C3orf70: variants seen among roughly 807,000 people sequenced by gnomAD.
C3orf70 encodes chromosome 3 open reading frame 70.
C3orf70 carries 15 observed loss-of-function variants against 20.7 expected under a neutral mutation model. The ratio of observed to expected loss-of-function variants is 0.72; its 90% CI spans 0.48 to 1.11. The LOEUF is 1.11. Ranked by LOEUF, C3orf70 falls within the 50% of genes most tolerant of loss-of-function variation. The pLI is 0.00. For missense variants in C3orf70, 332 were observed against 317.6 expected (o/e 1.05, Z -0.34); for synonymous variants, 161 against 125.7 (o/e 1.28, Z -1.88).
At chr3:185,091,902 CACACACATACATATATAT>C (rs1392556109) in intron 1 of C3orf70, among the ~76,000 whole-genome samples, 2 of 89,558 alleles carry the variant, frequency 2.2e-5, no homozygotes, top group Non-Finnish European at 2.2e-5. Context: ...CACATACACA[CACACACATACATATATAT>C]ATATATATAT....
Position 185,077,547 on chromosome 3 carries a change from A to G in C3orf70, c.*5460T>C, listed in dbSNP as rs1488442629. Among the ~76,000 whole-genome samples, 7 of 151,816 alleles carry G rather than the reference A, an allele frequency of 4.6e-5. No homozygotes were observed. On this transcript the variant is annotated 3_prime_UTR_variant, in exon 2 of 2. Coordinates refer to ENST00000335012, the MANE Select transcript of C3orf70 (RefSeq NM_001025266.3). ...ATAATGACTTTATTTAGCAGTTCCT[A>G]GGAAGGTTGTTCAATAGACTCCAAC...
rs1413326455 is a variant in C3orf70 at position 185,077,369 on chromosome 3, A to G, written c.*5638T>C. 1.3e-5 allele frequency among the ~76,000 whole-genome samples: 2 copies of G among 152,150 alleles called. No homozygotes were observed. The highest frequency in any genetic ancestry group is 2.4e-5 in the African/African-American group (1 of 41,432). On this transcript the variant is annotated 3_prime_UTR_variant, in exon 2 of 2. Transcript: ENST00000335012. ...GCCACTCATGTACGAGCTGTGCCACACTGGGTAAAGATGTGGACTTCTTGA... is the reference window on the plus strand; with the variant it reads ...GCCACTCATGTACGAGCTGTGCCACGCTGGGTAAAGATGTGGACTTCTTGA...
chr3:185,148,354 A>G (rs1716917331), intron 1 of C3orf70, among the ~76,000 whole-genome samples: 1 of 152,200 alleles, frequency 6.6e-6, no homozygotes, highest in African/African-American at 2.4e-5. Flanking sequence ...GTTACTCAGT[A>G]TTTCGTTGTT....
At chr3:185,115,207 T>C (rs747482029) in intron 1 of C3orf70, among the ~76,000 whole-genome samples, 1 of 152,178 alleles carries the variant, frequency 6.6e-6, no homozygotes, top group African/African-American at 2.4e-5. Flanking sequence ...TGAGAGCCAA[T>C]ACACTAAATA....
intron 1 of C3orf70, among the ~76,000 whole-genome samples, chr3:185,150,301 C>T (rs1716966358): frequency 6.6e-6 from 1 of 152,180 alleles, no homozygotes. Context: ...ACAATTTTAT[C>T]AGTAACTTTT....
At position 185,090,553 on chromosome 3, in the gene C3orf70, A is replaced by C. The variant is rs534567818; in HGVS notation, c.197-6990T>G. On this transcript the variant is annotated intron_variant, in intron 1 of 1. Transcript: ENST00000335012. ...TTAGAAAGGTAAATCTACTGAAAAA[A>C]AATGAGTGGCCTGAGGTAAATTGCA... is the stretch of plus-strand genomic sequence containing the variant. 2.6e-5 allele frequency among the ~76,000 whole-genome samples: 4 copies of C among 152,340 alleles called. No homozygotes were observed. In the East Asian group the frequency reaches 7.7e-4, roughly 29 times the overall value.
intron 1 of C3orf70, among the ~76,000 whole-genome samples, chr3:185,117,920 A>T (rs2108598043): frequency 6.6e-6 from 1 of 152,312 alleles, no homozygotes; most frequent in South Asian, 2.1e-4. Flanking sequence ...CCCATCCTTC[A>T]GTTGTCAGGT....
chr3:185,079,288 A>AAAATAAAATAAAAT lies in C3orf70; in HGVS notation c.*3718_*3719insATTTTATTTTATTT, dbSNP rs1293253636. On this transcript the variant is annotated 3_prime_UTR_variant, in exon 2 of 2. Transcript: ENST00000335012. The stretch of plus-strand genomic sequence containing the variant: ...GGAGCGAGACTCTGTCTCAAAAAAA[A>AAAATAAAATAAAAT]AAAAAAAAAAAAAAAAGTAAAGCCA... 25 of 148,100 alleles carry AAAATAAAATAAAAT rather than the reference A, an allele frequency of 1.7e-4. 1 individual carries two copies. Among genetic ancestry groups the AAAATAAAATAAAAT allele is most frequent in the Admixed American group, 4.0e-4 (6 of 15,082 alleles). The allele number at this position is 148,100 out of a possible 1,614,324, so 9.2% of individuals were successfully genotyped here. A position where few individuals can be genotyped will look rare whatever the true frequency, so the allele number is the denominator to read the frequency against.
At chr3:185,111,232 A>T (rs1716065661) in intron 1 of C3orf70, among the ~76,000 whole-genome samples, 1 of 152,246 alleles carries the variant, frequency 6.6e-6, no homozygotes, top group African/African-American at 2.4e-5. Context: ...TGAAAGAAAA[A>T]GTAAATTTGA....
intron 1 of C3orf70, among the ~76,000 whole-genome samples, chr3:185,100,503 A>G (rs2108592298): frequency 6.6e-6 from 1 of 152,356 alleles, no homozygotes; most frequent in African/African-American, 2.4e-5. Context: ...CAATGAAAAC[A>G]AAGATACAAC....
chr3:185,087,636 T>C (rs1285519481), intron 1 of C3orf70, among the ~76,000 whole-genome samples: 3 of 151,614 alleles, frequency 2.0e-5, no homozygotes, highest in African/African-American at 7.3e-5. Context: ...AAAGCAAGAG[T>C]GGTGTTTGCC....
At position 185,151,947 on chromosome 3, in the gene C3orf70, T is replaced by C. The variant is rs116005667; in HGVS notation, c.196+681A>G. Among the ~76,000 whole-genome samples the C allele has an allele frequency of 2.9e-3, 437 of 152,354 alleles. 1 individual carries two copies. Among genetic ancestry groups the C allele is most frequent in the African/African-American group, 0.01 (426 of 41,586 alleles). ...ACCATTTGGTTCTAGCTTTTATAAA[T>C]TGGTTTAAGACTATTAAGCTTACTT... On this transcript the variant is annotated intron_variant, in intron 1 of 1. Coordinates refer to ENST00000335012, the MANE Select transcript of C3orf70 (RefSeq NM_001025266.3).
At chr3:185,104,060 TAC>T (rs1459399219) in intron 1 of C3orf70, among the ~76,000 whole-genome samples, 1 of 152,202 alleles carries the variant, frequency 6.6e-6, no homozygotes, top group African/African-American at 2.4e-5. Context: ...CTCAAACAGC[TAC>T]AGAGATGACA....
At position 185,078,071 on chromosome 3, in the gene C3orf70, A is replaced by G. The variant is rs1577313537; in HGVS notation, c.*4936T>C. ...TTTGTTCTGGTATAAAAGAAAAAAA[A>G]AATCACGTTTATTTTACAAGGCAGT... On this transcript the variant is annotated 3_prime_UTR_variant, in exon 2 of 2. Coordinates refer to ENST00000335012, the MANE Select transcript of C3orf70 (RefSeq NM_001025266.3). The G allele has an allele frequency of 6.6e-6, 1 of 152,636 alleles. No homozygotes were observed. The highest frequency in any genetic ancestry group is 1.5e-5 in the Non-Finnish European group (1 of 68,042). The allele number at this position is 152,636 out of a possible 1,614,324, so 9.5% of individuals were successfully genotyped here. A position where few individuals can be genotyped will look rare whatever the true frequency, so the allele number is the denominator to read the frequency against.
intron 1 of C3orf70, among the ~76,000 whole-genome samples, chr3:185,083,869 CATT>C (rs764577300): frequency 1.4e-4 from 21 of 152,142 alleles, no homozygotes; most frequent in Non-Finnish European, 2.6e-4. Context: ...GTAATTTACT[CATT>C]ATACTAGAAC....
At chr3:185,107,283 A>G (rs907952484) in intron 1 of C3orf70, among the ~76,000 whole-genome samples, 3 of 152,222 alleles carry the variant, frequency 2.0e-5, no homozygotes, top group Non-Finnish European at 2.9e-5. Context: ...ACAACCTGGG[A>G]CTATTCAACC....
chr3:185,102,966 GC>G (rs1484403237), intron 1 of C3orf70, among the ~76,000 whole-genome samples: 1 of 152,132 alleles, frequency 6.6e-6, no homozygotes, highest in African/African-American at 2.4e-5. Context: ...AGACGGCCAG[GC>G]ATGGCAGTGG....
chr3:185,083,001 G>A lies in C3orf70; in HGVS notation c.*6C>T, dbSNP rs766994274. On this transcript the variant is annotated 3_prime_UTR_variant, in exon 2 of 2. Coordinates refer to ENST00000335012, the MANE Select transcript of C3orf70 (RefSeq NM_001025266.3). ...GGTCCGAGGCTGTGGCTTCCTGTCT[G>A]GACTCTCACACAGTCGTTTCTATCG... 14 of 1,610,168 alleles carry A rather than the reference G, an allele frequency of 8.7e-6. No individual in the cohort carries two copies. The African/African-American group carries it at 1.9e-4, about 22-fold the overall frequency.
intron 1 of C3orf70, among the ~76,000 whole-genome samples, chr3:185,110,250 T>C (rs981002575): frequency 3.3e-5 from 5 of 152,190 alleles, no homozygotes; most frequent in Non-Finnish European, 5.9e-5. Context: ...TCTTTGGCTA[T>C]TGCAAAATTA....
Sources: gnomAD v4.1 joint callset for allele counts (sites outside exome capture counted in the v4.1 genomes callset) on GRCh38, gnomAD v4.1.1 for gene constraint, MANE v1.5 for transcripts, NCBI Gene and HGNC (gene_info 2026-07-23, HGNC 2026-07-21) for gene names.